Variants in FNDC3A observed in about 807,000 individuals in gnomAD.
FNDC3A encodes fibronectin type-III domain-containing protein 3A.
A neutral mutation model predicts 148.9 loss-of-function variants in FNDC3A; 32 were observed. That is an observed-to-expected ratio of 0.21 (90% CI 0.16 to 0.29). The LOEUF is 0.29. FNDC3A is among the 10% of genes least tolerant of loss of function. The pLI is 1.00. For missense variants in FNDC3A, 1,191 were observed against 1,452.8 expected, an observed-to-expected ratio of 0.82 and a Z score of 2.93; for synonymous variants, 472 against 473.6, an observed-to-expected ratio of 1.00 and a Z score of 0.04.
chr13:49,070,276 C>T (rs979236928), intron 2 of FNDC3A, among the ~76,000 whole-genome samples: 1 of 152,070 alleles, frequency 6.6e-6, no homozygotes, highest in South Asian at 2.1e-4. Context: ...GGGTTACAGG[C>T]ACCCGCCACC....
chr13:49,032,112 A>G (rs752309697), intron 2 of FNDC3A, among the ~76,000 whole-genome samples: 9 of 152,226 alleles, frequency 5.9e-5, no homozygotes, highest in Admixed American at 3.3e-4. Context: ...CACCCATTAT[A>G]ATGGGTAGAA....
chr13:49,169,472 C>T (rs755596060), intron 10 of FNDC3A, among the ~76,000 whole-genome samples: 6 of 152,132 alleles, frequency 3.9e-5, no homozygotes, highest in Non-Finnish European at 8.8e-5. Context: ...GAGAACAATT[C>T]CCCATCATAC....
chr13:49,045,153 C>T (rs1332943261), intron 2 of FNDC3A: 1 of 190,492 alleles, frequency 5.2e-6, no homozygotes, highest in Non-Finnish European at 1.1e-5. Flanking sequence ...TTTCCCTTTC[C>T]CTTTCCTTTC....
intron 5 of FNDC3A, among the ~76,000 whole-genome samples, chr13:49,134,279 T>G (rs1882202048): frequency 6.6e-6 from 1 of 152,200 alleles, no homozygotes; most frequent in South Asian, 2.1e-4. Flanking sequence ...ATATAAAAAT[T>G]TCATTAAAAT....
intron 19 of FNDC3A, among the ~76,000 whole-genome samples, chr13:49,194,270 C>T (rs1886040444): frequency 6.6e-6 from 1 of 152,102 alleles, no homozygotes; most frequent in African/African-American, 2.4e-5. Flanking sequence ...AAAATAATAA[C>T]ATATTTGGAA....
chr13:48,984,764 A>C (rs1330935156), intron 1 of FNDC3A, among the ~76,000 whole-genome samples: 1 of 152,198 alleles, frequency 6.6e-6, no homozygotes, highest in East Asian at 1.9e-4. Flanking sequence ...GGCTCACTGC[A>C]ACCTCCGCCT....
At position 49,011,891 on chromosome 13, in the gene FNDC3A, G is replaced by A. The variant is rs190216565; in HGVS notation, c.99+5602G>A. 1.0e-3 allele frequency among the ~76,000 whole-genome samples: 154 copies of A among 152,258 alleles called. 1 individual carries two copies. Among genetic ancestry groups the A allele is most frequent in the African/African-American group, 3.4e-3 (141 of 41,542 alleles). On this transcript the variant is annotated intron_variant, in intron 2 of 25. Coordinates refer to ENST00000492622, the MANE Select transcript of FNDC3A (RefSeq NM_001079673.2). ...TATATTCTAAAAACTATACTTTCGC[G>A]TTGAACATTTTATTCCAAAATCTAC...
intron 3 of FNDC3A, among the ~76,000 whole-genome samples, chr13:49,077,457 T>C (rs1024898507): frequency 1.3e-5 from 2 of 152,234 alleles, no homozygotes; most frequent in African/African-American, 2.4e-5. Flanking sequence ...CCAATCTGTT[T>C]AATCAAAGAA....
chr13:49,166,609 T>C (rs1403596618), intron 8 of FNDC3A, among the ~76,000 whole-genome samples: 1 of 152,162 alleles, frequency 6.6e-6, no homozygotes, highest in Non-Finnish European at 1.5e-5. Context: ...CTAGGGTCTT[T>C]CCCATGACTA....
At chr13:48,997,090 A>AT (rs568529421) in intron 1 of FNDC3A, among the ~76,000 whole-genome samples, 107 of 151,772 alleles carry the variant, frequency 7.1e-4, no homozygotes, top group Non-Finnish European at 1.4e-3. Flanking sequence ...AAGACATTGG[A>AT]TATCTCAATC....
At chr13:49,125,667 AT>A (rs1363576200) in intron 4 of FNDC3A, among the ~76,000 whole-genome samples, 1 of 152,212 alleles carries the variant, frequency 6.6e-6, no homozygotes, top group Non-Finnish European at 1.5e-5. Context: ...CATATCATTC[AT>A]TTAACAAATA....
intron 2 of FNDC3A, among the ~76,000 whole-genome samples, chr13:49,039,778 A>G (rs889451648): frequency 3.9e-5 from 6 of 152,056 alleles, no homozygotes; most frequent in African/African-American, 9.7e-5. Flanking sequence ...GCAATGGCGC[A>G]ATCTCGGCTC....
At chr13:49,169,026 A>G (rs961631754) in intron 10 of FNDC3A, among the ~76,000 whole-genome samples, 2 of 152,120 alleles carry the variant, frequency 1.3e-5, no homozygotes, top group Non-Finnish European at 2.9e-5. Flanking sequence ...TTCTTAACCC[A>G]TTACTCCTTT....
chr13:49,175,740 A>G (rs912433835), intron 13 of FNDC3A, among the ~76,000 whole-genome samples, 199 bp downstream of exon 13: 1 of 152,156 alleles, frequency 6.6e-6, no homozygotes, highest in African/African-American at 2.4e-5. Flanking sequence ...TTCCAGTACT[A>G]TGTTGAATAG....
intron 6 of FNDC3A, among the ~76,000 whole-genome samples, chr13:49,138,339 A>G (rs1478282482): frequency 1.3e-5 from 2 of 152,142 alleles, no homozygotes; most frequent in African/African-American, 4.8e-5. Context: ...TTATATTTCT[A>G]ATTTGGGAAA....
chr13:49,110,316 C>A, intron 3 of FNDC3A: 2 of 1,552,400 alleles, frequency 1.3e-6, no homozygotes, highest in Non-Finnish European at 1.7e-6. Context: ...AAAAAAAAGC[C>A]GTTCTCCAAT....
chr13:49,181,695 G>A (rs543513114), intron 14 of FNDC3A, among the ~76,000 whole-genome samples: 21 of 151,728 alleles, frequency 1.4e-4, no homozygotes, highest in Admixed American at 7.2e-4. Flanking sequence ...TCAAACAGTC[G>A]TATCAAAATA....
At chr13:49,049,392 C>T (rs1373924427) in intron 2 of FNDC3A, among the ~76,000 whole-genome samples, 3 of 152,004 alleles carry the variant, frequency 2.0e-5, no homozygotes, top group African/African-American at 7.2e-5. Context: ...GGTACCAATT[C>T]TTCTTTGAAT....
At chr13:48,995,322 T>C (rs1952003851) in intron 1 of FNDC3A, among the ~76,000 whole-genome samples, 1 of 151,818 alleles carries the variant, frequency 6.6e-6, no homozygotes, top group Non-Finnish European at 1.5e-5. Context: ...TTTTTTTTTT[T>C]CTTTTAGCAT....
Sources: gnomAD v4.1 joint callset for allele counts (sites outside exome capture counted in the v4.1 genomes callset) on GRCh38, gnomAD v4.1.1 for gene constraint, MANE v1.5 for transcripts, NCBI Gene and HGNC (gene_info 2026-07-23, HGNC 2026-07-21) for gene names.